Variants in PCNT observed in about 807,000 individuals in gnomAD.
PCNT encodes the protein pericentrin.
In PCNT, 319 loss-of-function variants were observed where a neutral mutation model predicts 380.4. The observed-to-expected ratio is 0.84, with a 90% CI of 0.77 to 0.92. The LOEUF is 0.92. Among genes scored for constraint, PCNT ranks in the 40% least tolerant of loss-of-function variants. PCNT has a pLI of 0.00. For missense variants in PCNT, 4,400 were observed against 4,255.3 expected, an observed-to-expected ratio of 1.03 and a Z score of -0.95; for synonymous variants, 1,845 against 1,735.2, an observed-to-expected ratio of 1.06 and a Z score of -1.57.
intron 27 of PCNT, among the ~76,000 whole-genome samples, chr21:46,406,154 C>T (rs185231266): frequency 1.2e-4 from 18 of 152,316 alleles, no homozygotes; most frequent in African/African-American, 3.6e-4. Flanking sequence ...ACGGAGCTCC[C>T]GTCTCCCTGG....
At chr21:46,364,533 A>G (rs957192893) in intron 14 of PCNT, among the ~76,000 whole-genome samples, 2 of 152,266 alleles carry the variant, frequency 1.3e-5, no homozygotes, top group Non-Finnish European at 2.9e-5. Context: ...TCATAAGGAC[A>G]TGGAGTTTAT....
rs558550535 is a variant in PCNT at position 46,381,021 on chromosome 21, A to G, written c.3166-673A>G. On this transcript the variant is annotated intron_variant, in intron 15 of 46. Coordinates refer to ENST00000359568, the MANE Select transcript of PCNT (RefSeq NM_006031.6). The stretch of plus-strand genomic sequence containing the variant: ...CCCTATCTCTACTAAAAGAAAAATT[A>G]CAAAAATTAGTTGAGTGTGGTGGCA... Among the ~76,000 whole-genome samples, 24 of 152,144 alleles carry G rather than the reference A, an allele frequency of 1.6e-4. No individual in the cohort carries two copies. In the East Asian group the frequency reaches 4.4e-3, roughly 28 times the overall value.
At chr21:46,422,928 CT>C (rs1295432360) in intron 32 of PCNT, among the ~76,000 whole-genome samples, 1 of 152,128 alleles carries the variant, frequency 6.6e-6, no homozygotes, top group Non-Finnish European at 1.5e-5. Flanking sequence ...TAAGTGAGGA[CT>C]TACTGCATTC....
Position 46,324,851 on chromosome 21 carries a change from C to T in PCNT, c.54+569C>T, listed in dbSNP as rs919158174. The T allele has an allele frequency of 8.9e-5, 88 of 984,608 alleles. No homozygotes were observed. In the African/African-American group the frequency reaches 1.5e-3, roughly 16 times the overall value. 61.0% of individuals were successfully genotyped at this position (984,608 alleles called of 1,614,324 possible). ...GCCTCCCCAGGGTGCGCCTTCGCCTCGTCCGTCGGAGATGCTTTCCCCGCG... is the reference window on the plus strand; with the variant it reads ...GCCTCCCCAGGGTGCGCCTTCGCCTTGTCCGTCGGAGATGCTTTCCCCGCG... On this transcript the variant is annotated intron_variant, in intron 1 of 46. Transcript: ENST00000359568.
chr21:46,370,126 T>A (rs1486313952), intron 15 of PCNT, among the ~76,000 whole-genome samples: 1 of 151,954 alleles, frequency 6.6e-6, no homozygotes, highest in African/African-American at 2.4e-5. Flanking sequence ...AGCCGCTGGA[T>A]TGTGCGTGCA....
At chr21:46,369,776 C>T (rs998658794) in intron 15 of PCNT, among the ~76,000 whole-genome samples, 7 of 152,082 alleles carry the variant, frequency 4.6e-5, no homozygotes, top group African/African-American at 1.4e-4. Flanking sequence ...AGGAGCTGGT[C>T]GCAGCCCTGT....
intron 27 of PCNT, among the ~76,000 whole-genome samples, chr21:46,408,720 T>G (rs1384062854): frequency 7.1e-5 from 3 of 42,186 alleles, no homozygotes; most frequent in South Asian, 7.7e-4. Context: ...TTTCAGAAAG[T>G]TTTTTTTTTT....
chr21:46,348,860 A>C, intron 6 of PCNT, 152 bp from the exon 7 acceptor site: 1 of 611,538 alleles, frequency 1.6e-6, no homozygotes, highest in East Asian at 2.9e-5. Flanking sequence ...TCCTGGGCTC[A>C]GGCGATCTGC....
chr21:46,401,684 A>G lies in PCNT; in HGVS notation c.4925A>G (p.Glu1642Gly), dbSNP rs1259166818. The change falls in exon 26 of 47, where the codon GAG becomes GGG. Residue 1642 changes from glutamate (E) to glycine (G), a missense_variant. Coordinates refer to ENST00000359568, the MANE Select transcript of PCNT (RefSeq NM_006031.6). ...SPPEGPEIQL[E>G]VTQRALLRRE... is the part of the protein sequence containing the mutation. ...CCTGAGGGTCCAGAAATACAGTTAG[A>G]GGTGACACAGAGAGCACTCCTGCGG... The G allele has an allele frequency of 1.2e-6, 2 of 1,613,800 alleles. No individual in the cohort carries two copies. Among genetic ancestry groups the G allele is most frequent in the Non-Finnish European group, 1.7e-6 (2 of 1,179,972 alleles).
intron 36 of PCNT, 24 bp downstream of exon 36, chr21:46,430,256 G>C: frequency 6.3e-7 from 1 of 1,595,966 alleles, no homozygotes; most frequent in South Asian, 1.1e-5. Flanking sequence ...CCCTTCCTGG[G>C]ACACTGGCGG....
intron 38 of PCNT, 130 bp from the exon 39 acceptor site, chr21:46,435,774 C>T: frequency 1.1e-6 from 1 of 950,978 alleles, no homozygotes; most frequent in South Asian, 1.4e-5. Flanking sequence ...AATCTCCTGA[C>T]CTCATGATCT....
chr21:46,412,753 TG>T, intron 28 of PCNT, 83 bp from the exon 29 acceptor site: 1 of 1,450,256 alleles, frequency 6.9e-7, no homozygotes, highest in Non-Finnish European at 9.6e-7. Flanking sequence ...GCTGCCGTAC[TG>T]GTTCCCAGCT....
In PCNT at chr21:46,401,712, C is replaced by G; in HGVS notation, c.4953C>G (p.Arg1651=). The G allele has an allele frequency of 1.9e-6, 3 of 1,614,032 alleles. No homozygotes were observed. The highest frequency in any genetic ancestry group is 2.5e-6 in the Non-Finnish European group (3 of 1,180,020). Residue 1651 remains arginine, a synonymous_variant, in exon 26 of 47, where the codon CGC becomes CGG. Coordinates refer to ENST00000359568, the MANE Select transcript of PCNT (RefSeq NM_006031.6). ...TGACACAGAGAGCACTCCTGCGGCG[C>G]GAGAGCGAGGTGAGTGCAGAGTGGG... is the stretch of plus-strand genomic sequence containing the variant. ...LEVTQRALLR[R]ESEVLDLKEQ...
At chr21:46,403,344 C>T (rs1225175110) in intron 27 of PCNT, among the ~76,000 whole-genome samples, 3 of 145,718 alleles carry the variant, frequency 2.1e-5, no homozygotes, top group South Asian at 4.3e-4. Flanking sequence ...GTGGTGCCCA[C>T]GCGGCGCGTG....
chr21:46,364,749 C>G (rs1220972706), intron 14 of PCNT, among the ~76,000 whole-genome samples: 1 of 152,242 alleles, frequency 6.6e-6, no homozygotes, highest in African/African-American at 2.4e-5. Context: ...CCACCCAGCC[C>G]TTCCCCAGCA....
Position 46,418,402 on chromosome 21 carries a change from G to A in PCNT, c.7024+96G>A, listed in dbSNP as rs577873932. 1,051 of 809,078 alleles carry A rather than the reference G, an allele frequency of 1.3e-3. 4 individuals are homozygous for A. The highest frequency in any genetic ancestry group is 1.4e-3 in the Non-Finnish European group (673 of 471,222). 50.1% of individuals were successfully genotyped at this position (809,078 alleles called of 1,614,324 possible). On this transcript the variant is annotated intron_variant, in intron 31 of 46. Transcript: ENST00000359568. ...TCCTGCATCCTTTGCCTGGTTCTGC[G>A]TCTGCCCCCCGCTGACCTCCACCCC...
At chr21:46,373,770 G>A (rs190307746) in intron 15 of PCNT, among the ~76,000 whole-genome samples, 5 of 84,974 alleles carry the variant, frequency 5.9e-5, no homozygotes, top group African/African-American at 1.4e-4. Context: ...TCGCTCTGTC[G>A]CCAGGCTGGA....
At chr21:46,382,084 C>T (rs1245064526) in intron 16 of PCNT, among the ~76,000 whole-genome samples, 1 of 145,396 alleles carries the variant, frequency 6.9e-6, no homozygotes, top group African/African-American at 2.5e-5. Flanking sequence ...GTGGCGGAAG[C>T]GCATTCATAG....
chr21:46,409,750 C>A (rs1030549627), intron 27 of PCNT, among the ~76,000 whole-genome samples: 1 of 152,110 alleles, frequency 6.6e-6, no homozygotes, highest in Non-Finnish European at 1.5e-5. Flanking sequence ...CAGGTGCCCA[C>A]GCCCGGCTAA....
Sources: gnomAD v4.1 joint callset for allele counts (sites outside exome capture counted in the v4.1 genomes callset) on GRCh38, gnomAD v4.1.1 for gene constraint, MANE v1.5 for transcripts, NCBI Gene and HGNC (gene_info 2026-07-23, HGNC 2026-07-21) for gene names.